Variants in SPAG17 observed in about 807,000 individuals in gnomAD.
SPAG17 encodes sperm-associated antigen 17.
SPAG17 carries 169 observed loss-of-function variants against 273.6 expected under a neutral mutation model. The ratio of observed to expected loss-of-function variants is 0.62; its 90% CI spans 0.55 to 0.70. The LOEUF (loss-of-function observed/expected upper bound fraction) is 0.70, where lower values mean the gene tolerates loss of function less well. Among genes scored for constraint, SPAG17 ranks in the 30% least tolerant of loss-of-function variants. SPAG17 has a pLI of 0.00. For missense variants in SPAG17, 2,557 were observed against 2,627.8 expected (o/e 0.97, Z 0.59); for synonymous variants, 825 against 873.2 (o/e 0.94, Z 0.97).
At chr1:118,155,475 G>T (rs1174007172) in intron 1 of SPAG17, among the ~76,000 whole-genome samples, 1 of 152,160 alleles carries the variant, frequency 6.6e-6, no homozygotes, top group Non-Finnish European at 1.5e-5. Context: ...CCAGCAACTT[G>T]CTGATTTAGG....
chr1:117,984,727 G>A lies in SPAG17; in HGVS notation c.5725C>T (p.Pro1909Ser), dbSNP rs777104974. The change falls in exon 41 of 49, where the codon CCA becomes TCA. Residue 1909 changes from proline to serine, a missense_variant. Pro to Ser is a moderately conservative substitution (Grantham distance 74). Transcript: ENST00000336338. ...YLMDIKNRII[P>S]PFFKSELNQL... ...TTCAATTCAGATTTAAAAAAGGGTG[G>A]TATTATGCGGTTCTTAATATCCATT... The A allele has an allele frequency of 1.1e-5, 18 of 1,611,164 alleles. No individual in the cohort carries two copies. In the East Asian group the frequency reaches 3.8e-4, roughly 34 times the overall value.
intron 45 of SPAG17, among the ~76,000 whole-genome samples, chr1:117,971,072 C>A (rs1179037928): frequency 6.6e-6 from 1 of 151,894 alleles, no homozygotes; most frequent in Non-Finnish European, 1.5e-5. Flanking sequence ...TATCTGATTT[C>A]CAATCATCAA....
chr1:118,081,991 C>G (rs1041411620), intron 13 of SPAG17, among the ~76,000 whole-genome samples: 1 of 152,186 alleles, frequency 6.6e-6, no homozygotes, highest in African/African-American at 2.4e-5. Flanking sequence ...TGAAAGCACC[C>G]TTTTCTCCTG....
chr1:117,965,275 G>C (rs1311242704), intron 47 of SPAG17: 2 of 152,146 alleles, frequency 1.3e-5, no homozygotes, highest in African/African-American at 4.8e-5. Flanking sequence ...GGCTTTTGAA[G>C]TATTTCACCA....
At chr1:118,009,248 AAC>A (rs55873088) in intron 30 of SPAG17, among the ~76,000 whole-genome samples, 54,513 of 142,304 alleles carry the variant, frequency 0.38, 10,180 homozygotes, top group Non-Finnish European at 0.43. Flanking sequence ...AGGTGCTCAT[AAC>A]ACACACACAC....
chr1:117,985,358 T>A (rs886375385), intron 40 of SPAG17, among the ~76,000 whole-genome samples: 3 of 152,068 alleles, frequency 2.0e-5, no homozygotes, highest in Non-Finnish European at 4.4e-5. Context: ...TGGGTAAGAG[T>A]CCAGGAGCTT....
chr1:118,154,668 C>G (rs960053476), intron 1 of SPAG17, among the ~76,000 whole-genome samples: 31 of 152,066 alleles, frequency 2.0e-4, no homozygotes, highest in African/African-American at 7.0e-4. Context: ...AAAAACACCC[C>G]TCCACCCATA....
At chr1:118,128,305 C>T (rs931415802) in intron 3 of SPAG17, among the ~76,000 whole-genome samples, 10 of 152,024 alleles carry the variant, frequency 6.6e-5, no homozygotes, top group Non-Finnish European at 1.2e-4. Context: ...TTTGTGAAGT[C>T]TTTAGGTTTT....
At chr1:118,128,530 G>A (rs1657871455) in intron 3 of SPAG17, among the ~76,000 whole-genome samples, 1 of 152,096 alleles carries the variant, frequency 6.6e-6, no homozygotes, top group Admixed American at 6.6e-5. Context: ...AATGACTCAG[G>A]CTGGCAGCCA....
chr1:118,024,816 G>C (rs1042999740), intron 27 of SPAG17, among the ~76,000 whole-genome samples: 1 of 152,064 alleles, frequency 6.6e-6, no homozygotes, highest in African/African-American at 2.4e-5. Flanking sequence ...TTCCTCTTGT[G>C]TATGTTTTAA....
At position 118,085,940 on chromosome 1, in the gene SPAG17, T is replaced by A; in HGVS notation, c.1744A>T (p.Met582Leu). The A allele has an allele frequency of 6.2e-7, 1 of 1,608,112 alleles. No homozygotes were observed. The highest frequency in any genetic ancestry group is 8.5e-7 in the Non-Finnish European group (1 of 1,178,014). ...TKRLATIHEL[M>L]HFCTSDVLSW... ...GACTCACCACTCGTACAAAAGTGCATAAGCTCATGAATTGTAGCTAGACGT... is the reference window on the plus strand; with the variant it reads ...GACTCACCACTCGTACAAAAGTGCAAAAGCTCATGAATTGTAGCTAGACGT... The change falls in exon 13 of 49, where the codon ATG (methionine) becomes TTG (leucine). Residue 582 changes from methionine (M) to leucine (L), a missense_variant. By Grantham distance (15) the Met-to-Leu change is conservative (BLOSUM62 2). Coordinates refer to ENST00000336338, the MANE Select transcript of SPAG17 (RefSeq NM_206996.4).
chr1:118,019,491 G>T (rs572549866), intron 28 of SPAG17, among the ~76,000 whole-genome samples: 1 of 151,838 alleles, frequency 6.6e-6, no homozygotes, highest in East Asian at 1.9e-4. Flanking sequence ...AAAGTTCAAG[G>T]CCTCTTAAAT....
chr1:118,170,063 T>G (rs958731731), intron 1 of SPAG17, among the ~76,000 whole-genome samples: 2 of 152,210 alleles, frequency 1.3e-5, no homozygotes, highest in Non-Finnish European at 2.9e-5. Flanking sequence ...AATCATCCTA[T>G]GTATCTGCTG....
rs530771889 is a variant in SPAG17 at position 118,165,798 on chromosome 1, AC to A, written c.88-14430del. Reference sequence around the variant, plus strand: ...GTAGCTGGAACTACAGGCTCCCGCCACCATGCCCAGCTAATTTTGTATTTTT... The same window carrying A: ...GTAGCTGGAACTACAGGCTCCCGCCACATGCCCAGCTAATTTTGTATTTTT... On this transcript the variant is annotated intron_variant, in intron 1 of 48. Coordinates refer to ENST00000336338, the MANE Select transcript of SPAG17 (RefSeq NM_206996.4). Among the ~76,000 whole-genome samples, 15 of 152,068 alleles carry A rather than the reference AC, an allele frequency of 9.9e-5. No individual in the cohort carries two copies. The South Asian group carries it at 3.1e-3, about 32-fold the overall frequency.
At chr1:118,180,480 C>T (rs1241005141) in intron 1 of SPAG17, among the ~76,000 whole-genome samples, 1 of 151,816 alleles carries the variant, frequency 6.6e-6, no homozygotes, top group Non-Finnish European at 1.5e-5. Flanking sequence ...TTAATGGGTA[C>T]AAATATAGAG....
At chr1:118,048,389 C>T (rs969356651) in intron 20 of SPAG17, among the ~76,000 whole-genome samples, 1 of 152,142 alleles carries the variant, frequency 6.6e-6, no homozygotes, top group African/African-American at 2.4e-5. Context: ...TCCAGGCCCA[C>T]CTCAGCAGAC....
At chr1:118,165,820 T>G (rs985186442) in intron 1 of SPAG17, among the ~76,000 whole-genome samples, 3 of 151,922 alleles carry the variant, frequency 2.0e-5, no homozygotes, top group African/African-American at 7.3e-5. Flanking sequence ...TAATTTTGTA[T>G]TTTTTGTAGA....
chr1:117,988,272 A>G, intron 38 of SPAG17, 68 bp from the exon 39 acceptor site: 2 of 1,165,092 alleles, frequency 1.7e-6, no homozygotes, highest in Non-Finnish European at 2.4e-6. Context: ...TCAGTACACA[A>G]TTACTCATTT....
intron 22 of SPAG17, 86 bp from the exon 23 acceptor site, chr1:118,039,530 G>A: frequency 2.2e-6 from 3 of 1,368,414 alleles, no homozygotes; most frequent in Non-Finnish European, 3.1e-6. Context: ...ATGCTGCACA[G>A]AAACAAACAC....
Sources: allele counts gnomAD v4.1 joint callset (sites outside exome capture counted in the v4.1 genomes callset), GRCh38; gene constraint gnomAD v4.1.1; transcripts MANE v1.5; gene names NCBI Gene and HGNC (gene_info 2026-07-23, HGNC 2026-07-21).